CREBBP: variants seen among roughly 807,000 people sequenced by gnomAD.
The protein encoded by CREBBP is CREB binding lysine acetyltransferase, also known as CREB-binding protein.
CREBBP carries 19 observed loss-of-function variants against 265.0 expected under a neutral mutation model. The observed-to-expected ratio is 0.07, with a 90% confidence interval of 0.05 to 0.11. The LOEUF is 0.11. Among genes scored for constraint, CREBBP ranks in the 10% least tolerant of loss-of-function variants. The pLI, the probability that CREBBP is intolerant of heterozygous loss-of-function variation, is 1.00. For synonymous variants in CREBBP, 1,457 were observed against 1,223.7 expected (o/e 1.19, Z -3.98); for missense variants, 2,525 against 3,219.0 (o/e 0.78, Z 5.22).
In CREBBP at chr16:3,726,014, C is replaced by G; in HGVS notation, c.*1704G>C. On this transcript the variant is annotated 3_prime_UTR_variant, in exon 31 of 31. Coordinates refer to ENST00000262367, the MANE Select transcript of CREBBP (RefSeq NM_004380.3). ...CAGTAAGGGAGCCTGGAACTGGACT[C>G]CAAGGGAGGCAGGACCATGTGGCTA... The G allele has an allele frequency of 4.3e-6, 1 of 233,220 alleles. No individual in the cohort carries two copies. Among genetic ancestry groups the G allele is most frequent in the East Asian group, 6.0e-5 (1 of 16,580 alleles). The allele number at this position is 233,220 out of a possible 1,614,324, so 14.4% of individuals were successfully genotyped here.
At chr16:3,756,364 C>G (rs530447734) in intron 19 of CREBBP, among the ~76,000 whole-genome samples, 1 of 152,250 alleles carries the variant, frequency 6.6e-6, no homozygotes. Context: ...GACACTTACA[C>G]GCTGCGGTAC....
At chr16:3,808,740 G>A (rs2053880187) in intron 3 of CREBBP, among the ~76,000 whole-genome samples, 2 of 152,222 alleles carry the variant, frequency 1.3e-5, no homozygotes, top group Non-Finnish European at 2.9e-5. Flanking sequence ...TTAGGTCAGG[G>A]TTTCCCTGAC....
chr16:3,768,147 T>TG (rs2052908366), intron 15 of CREBBP, among the ~76,000 whole-genome samples: 1 of 108,916 alleles, frequency 9.2e-6, no homozygotes, highest in Non-Finnish European at 1.8e-5. Context: ...TTTTTTTTTT[T>TG]TTTTTTTTTT....
At chr16:3,736,270 G>T in intron 27 of CREBBP, 67 bp from the exon 28 acceptor site, 1 of 1,520,356 alleles carries the variant, frequency 6.6e-7, no homozygotes, top group South Asian at 1.1e-5. Flanking sequence ...TGGTGCGACA[G>T]ACCCCCACGC....
chr16:3,784,666 T>C (rs979073593), intron 5 of CREBBP, among the ~76,000 whole-genome samples: 2 of 152,206 alleles, frequency 1.3e-5, no homozygotes, highest in Non-Finnish European at 2.9e-5. Flanking sequence ...GAGAAGAACT[T>C]AAAAGAAACA....
chr16:3,797,704 T>C (rs1471620100), intron 3 of CREBBP, among the ~76,000 whole-genome samples: 1 of 151,960 alleles, frequency 6.6e-6, no homozygotes, highest in Non-Finnish European at 1.5e-5. Flanking sequence ...GAGAGGACGA[T>C]TGTCTCCTAA....
At chr16:3,815,147 T>C (rs1267814738) in intron 2 of CREBBP, among the ~76,000 whole-genome samples, 2 of 152,218 alleles carry the variant, frequency 1.3e-5, no homozygotes, top group Non-Finnish European at 1.5e-5. Flanking sequence ...TAGGCTAACA[T>C]ATACTTCTTA....
chr16:3,766,023 G>C (rs2052843788), intron 16 of CREBBP, among the ~76,000 whole-genome samples: 1 of 152,140 alleles, frequency 6.6e-6, no homozygotes, highest in Non-Finnish European at 1.5e-5. Context: ...CTTGTTTGAA[G>C]AGACTGATGG....
chr16:3,768,084 T>C (rs984747688), intron 15 of CREBBP, among the ~76,000 whole-genome samples, 175 bp from the exon 16 acceptor site: 9 of 150,664 alleles, frequency 6.0e-5, no homozygotes, highest in Admixed American at 4.0e-4. Context: ...TTGGTGTTCA[T>C]TAAGTCGCTT....
In CREBBP at chr16:3,728,159, C is replaced by G. The variant is rs956984557; in HGVS notation, c.6888G>C (p.Leu2296=). Residue 2296 remains leucine (L), a synonymous_variant, in exon 31 of 31, where the codon CTG becomes CTC. Coordinates refer to ENST00000262367, the MANE Select transcript of CREBBP (RefSeq NM_004380.3). This position sits in a 1 kb window ranked among gnomAD's most constrained non-coding sequence, Gnocchi z 8.7. ...TCTGCTGCTTCATCTGCTGTTGCTG[C>G]AGAATCCGCTGCTGCAGGGCTTGCT... is the stretch of plus-strand genomic sequence containing the variant. ...NIQQALQQRI[L]QQQQMKQQIG... The G allele has an allele frequency of 1.9e-5, 30 of 1,614,114 alleles. No homozygotes were observed. In the East Asian group the frequency reaches 6.5e-4, roughly 35 times the overall value.
chr16:3,831,926 C>T (rs1035440193), intron 2 of CREBBP, among the ~76,000 whole-genome samples: 2 of 151,442 alleles, frequency 1.3e-5, no homozygotes, highest in East Asian at 1.9e-4. Context: ...GAACCCAGGA[C>T]GTGGAGGCTG....
chr16:3,749,581 T>A (rs2151367656), intron 21 of CREBBP, 46 bp downstream of exon 21: 1 of 1,432,694 alleles, frequency 7.0e-7, no homozygotes, highest in East Asian at 2.3e-5. Flanking sequence ...ACTTTACCGA[T>A]TTCAAACCAA....
chr16:3,777,766 A>G, intron 10 of CREBBP, 109 bp from the exon 11 acceptor site: 2 of 1,337,128 alleles, frequency 1.5e-6, no homozygotes, highest in South Asian at 1.2e-5. Context: ...AAAAGGGAAA[A>G]CAGCCAATAG....
chr16:3,843,265 CT>C lies in CREBBP; in HGVS notation c.798+7031del, dbSNP rs923011975. Among the ~76,000 whole-genome samples the C allele has an allele frequency of 8.7e-4, 132 of 152,000 alleles. 1 individual carries two copies. The highest frequency in any genetic ancestry group is 3.0e-3 in the African/African-American group (125 of 41,392). ...ACATGTGACTTGCCTACCTCCTATCCTTTTTTTAAACAAAGATTAAAAGTTA... is the reference window on the plus strand; with the variant it reads ...ACATGTGACTTGCCTACCTCCTATCCTTTTTTAAACAAAGATTAAAAGTTA... On this transcript the variant is annotated intron_variant, in intron 2 of 30. Transcript: ENST00000262367.
intron 2 of CREBBP, among the ~76,000 whole-genome samples, chr16:3,835,012 G>T (rs1403570816): frequency 6.6e-6 from 1 of 151,998 alleles, no homozygotes; most frequent in East Asian, 1.9e-4. Flanking sequence ...CAAAAAATTG[G>T]CCGGGCATGG....
chr16:3,833,545 T>C (rs950146359), intron 2 of CREBBP, among the ~76,000 whole-genome samples: 1 of 152,154 alleles, frequency 6.6e-6, no homozygotes, highest in African/African-American at 2.4e-5. Context: ...AGACAACATG[T>C]CCCAGAAAAT....
rs1181942346 is a variant in CREBBP, at chr16:3,757,365, G to A, written c.3621C>T (p.Ser1207=). 106 of 1,613,222 alleles carry A rather than the reference G, an allele frequency of 6.6e-5. 1 individual carries two copies. Among genetic ancestry groups the A allele is most frequent in the Non-Finnish European group, 8.6e-5 (102 of 1,179,634 alleles). ...GYCCGRKYEF[S]PQTLCCYGKQ... ...TCCCATAGCAGCACAAAGTCTGTGG[G>A]GAAAACTCATACTGCAAAAATAAAG... The change falls in exon 19 of 31, where the codon TCC becomes TCT. Residue 1207 remains serine (S), a synonymous_variant. Transcript: ENST00000262367.
chr16:3,773,612 CAAAG>C (rs1302224946), intron 13 of CREBBP, 135 bp downstream of exon 13: 1 of 909,272 alleles, frequency 1.1e-6, no homozygotes, highest in Non-Finnish European at 1.7e-6. Flanking sequence ...GTGGAGAAAA[CAAAG>C]AGAAGCTGAT....
chr16:3,867,812 C>A (rs2055208329), intron 1 of CREBBP, among the ~76,000 whole-genome samples: 2 of 151,252 alleles, frequency 1.3e-5, no homozygotes, highest in South Asian at 4.2e-4. Context: ...ACCTGTCATC[C>A]TAGCTACTTG....
Sources: gnomAD v4.1 joint callset for allele counts (sites outside exome capture counted in the v4.1 genomes callset) on GRCh38, gnomAD v4.1.1 for gene constraint, Gnocchi (gnomAD v3.1) non-coding constraint, MANE v1.5 for transcripts, NCBI Gene and HGNC (gene_info 2026-07-23, HGNC 2026-07-21) for gene names.